The following RYR2 variants were observed in gnomAD, a reference collection of about 807,000 sequenced individuals.
RYR2 encodes the protein cardiac muscle ryanodine receptor-calcium release channel.
Under a neutral mutation model 601.1 loss-of-function variants are expected in RYR2, and 227 were observed. The ratio of observed to expected loss-of-function variants is 0.38; its 90% CI spans 0.34 to 0.42. The LOEUF (loss-of-function observed/expected upper bound fraction) is 0.42. Among genes scored for constraint, RYR2 ranks in the 10% least tolerant of loss-of-function variants. The pLI is 1.00. For synonymous variants in RYR2, 2,223 were observed against 2,175.1 expected, an observed-to-expected ratio of 1.02 and a Z score of -0.61; for missense variants, 4,646 against 6,156.5, an observed-to-expected ratio of 0.75 and a Z score of 8.21.
At chr1:237,459,767 A>G (rs561947406) in intron 16 of RYR2, among the ~76,000 whole-genome samples, 2 of 152,324 alleles carry the variant, frequency 1.3e-5, no homozygotes, top group African/African-American at 4.8e-5. Context: ...AGTAACATTA[A>G]TAGACTTTAC....
chr1:237,496,800 T>C (rs373722321), intron 20 of RYR2, 48 bp downstream of exon 20: 4 of 1,570,706 alleles, frequency 2.5e-6, no homozygotes, highest in East Asian at 4.5e-5. Context: ...GATCTTTTGC[T>C]GGGCATTTCT....
At chr1:237,671,524 T>C (rs1360178687) in intron 58 of RYR2, among the ~76,000 whole-genome samples, 3 of 150,584 alleles carry the variant, frequency 2.0e-5, no homozygotes, top group Non-Finnish European at 2.9e-5. Flanking sequence ...TGTGTGCGTG[T>C]GTGTGTGTGT....
chr1:237,184,727 A>G (rs1219530367), intron 1 of RYR2, among the ~76,000 whole-genome samples: 2 of 152,196 alleles, frequency 1.3e-5, no homozygotes, highest in African/African-American at 4.8e-5. Flanking sequence ...TATTTATCAG[A>G]TGATAATGCT....
rs147394907 is a variant in RYR2 at position 237,812,126 on chromosome 1, T to C, written c.14433+3091T>C. Among the ~76,000 whole-genome samples, 145 of 152,270 alleles carry C rather than the reference T, an allele frequency of 9.5e-4. No individual in the cohort carries two copies. In the Middle Eastern group the frequency reaches 0.024, roughly 25 times the overall value. On this transcript the variant is annotated intron_variant, in intron 100 of 104. Coordinates refer to ENST00000366574, the MANE Select transcript of RYR2 (RefSeq NM_001035.3). Reference sequence around the variant, plus strand: ...CAGGTTGGCACTGCTATCATTCCCATTTTACAGATGAGGAAACTGAGCTAC... The same window carrying C: ...CAGGTTGGCACTGCTATCATTCCCACTTTACAGATGAGGAAACTGAGCTAC...
intron 1 of RYR2, among the ~76,000 whole-genome samples, chr1:237,172,982 C>T (rs1677586820): frequency 6.6e-6 from 1 of 152,128 alleles, no homozygotes; most frequent in African/African-American, 2.4e-5. Context: ...AGCAATAAGC[C>T]TGCTAGTATG....
At chr1:237,615,183 A>C (rs1488921743) in intron 37 of RYR2, among the ~76,000 whole-genome samples, 1 of 151,796 alleles carries the variant, frequency 6.6e-6, no homozygotes, top group Non-Finnish European at 1.5e-5. Context: ...ACTTTCCCCT[A>C]GTATGCTTTT....
intron 25 of RYR2, 150 bp from the exon 26 acceptor site, chr1:237,548,281 G>A: frequency 1.4e-6 from 1 of 703,480 alleles, no homozygotes; most frequent in South Asian, 2.3e-5. Flanking sequence ...TAAAGTGAAA[G>A]GAACCTAGGC....
chr1:237,549,628 CTTTTTTTTTTTTTT>C (rs57579159), intron 26 of RYR2, among the ~76,000 whole-genome samples: 13 of 77,734 alleles, frequency 1.7e-4, no homozygotes, highest in Admixed American at 1.3e-3. Context: ...CCATAGCTTT[CTTTTTTTTTTTTTT>C]TTTTTTTTTT....
intron 2 of RYR2, among the ~76,000 whole-genome samples, chr1:237,306,997 T>C (rs1322105669): frequency 6.6e-6 from 1 of 152,228 alleles, no homozygotes. Flanking sequence ...CTACTTTCAG[T>C]AACTTGTTCC....
chr1:237,692,803 G>A (rs565823781), intron 63 of RYR2, among the ~76,000 whole-genome samples: 4 of 152,104 alleles, frequency 2.6e-5, no homozygotes, highest in African/African-American at 4.8e-5. Context: ...ATAATACTCC[G>A]TCCTGCTACT....
intron 1 of RYR2, among the ~76,000 whole-genome samples, chr1:237,151,587 G>A (rs1169915448): frequency 6.6e-6 from 1 of 152,180 alleles, no homozygotes; most frequent in Non-Finnish European, 1.5e-5. Context: ...ATTTCCTTAA[G>A]ACTTCAGTTT....
intron 7 of RYR2, among the ~76,000 whole-genome samples, chr1:237,376,000 TTTA>T (rs1701004609): frequency 6.6e-6 from 1 of 152,172 alleles, no homozygotes; most frequent in Admixed American, 6.5e-5. Context: ...ATTTATTGTA[TTTA>T]TTATTTGTTG....
intron 2 of RYR2, among the ~76,000 whole-genome samples, chr1:237,308,672 C>T (rs1694164965): frequency 6.6e-6 from 1 of 152,168 alleles, no homozygotes; most frequent in Non-Finnish European, 1.5e-5. Flanking sequence ...AAGCTGAGGA[C>T]CTTAGCGGTG....
At chr1:237,658,049 A>G (rs1179514654) in intron 54 of RYR2, 27 bp downstream of exon 54, 6 of 1,294,366 alleles carry the variant, frequency 4.6e-6, no homozygotes, top group Non-Finnish European at 6.3e-6. Context: ...ATTCTAATTC[A>G]GTAGTCATTA....
intron 1 of RYR2, among the ~76,000 whole-genome samples, chr1:237,159,330 A>G (rs544227560): frequency 1.1e-4 from 16 of 152,104 alleles, no homozygotes; most frequent in Non-Finnish European, 1.5e-4. Flanking sequence ...AAGCAAATAT[A>G]GAAATTGGAA....
At chr1:237,675,757 G>A (rs1336161604) in intron 60 of RYR2, among the ~76,000 whole-genome samples, 1 of 152,072 alleles carries the variant, frequency 6.6e-6, no homozygotes, top group African/African-American at 2.4e-5. Flanking sequence ...GTAGAAATTA[G>A]AGCTCTGGTA....
intron 5 of RYR2, among the ~76,000 whole-genome samples, chr1:237,369,250 A>T (rs1700449545): frequency 6.6e-6 from 1 of 152,192 alleles, no homozygotes; most frequent in South Asian, 2.1e-4. Flanking sequence ...AGAGATTATT[A>T]TTAAGTACAT....
At chr1:237,219,802 T>G (rs1182552535) in intron 1 of RYR2, among the ~76,000 whole-genome samples, 1 of 152,132 alleles carries the variant, frequency 6.6e-6, no homozygotes, top group Non-Finnish European at 1.5e-5. Context: ...TTTGAAGAAG[T>G]GTGAAACCAG....
At chr1:237,196,383 C>T (rs1680565433) in intron 1 of RYR2, among the ~76,000 whole-genome samples, 1 of 152,098 alleles carries the variant, frequency 6.6e-6, no homozygotes, top group South Asian at 2.1e-4. Context: ...TTCACTTCTC[C>T]ACAAAATTCT....
Sources: gnomAD v4.1 joint callset for allele counts (sites outside exome capture counted in the v4.1 genomes callset) on GRCh38, gnomAD v4.1.1 for gene constraint, MANE v1.5 for transcripts, NCBI Gene and HGNC (gene_info 2026-07-23, HGNC 2026-07-21) for gene names.